The following SEC23A variants were observed in gnomAD, a reference collection of about 807,000 sequenced individuals.
The protein encoded by SEC23A is protein transport protein Sec23A.
A neutral mutation model predicts 103.7 loss-of-function variants in SEC23A; 56 were observed. That is an observed-to-expected ratio of 0.54 (90% CI 0.44 to 0.67). The LOEUF is 0.67. Ranked by LOEUF, SEC23A falls within the 30% of genes least tolerant of loss-of-function variation. SEC23A has a pLI of 0.00. For missense variants in SEC23A, 784 were observed against 936.4 expected, an observed-to-expected ratio of 0.84 and a Z score of 2.12; for synonymous variants, 281 against 293.0, an observed-to-expected ratio of 0.96 and a Z score of 0.42.
chr14:39,095,298 CT>C lies in SEC23A; in HGVS notation c.221+599del, dbSNP rs111385262. Among the ~76,000 whole-genome samples, 766 of 143,562 alleles carry C rather than the reference CT, an allele frequency of 5.3e-3. 4 individuals are homozygous for C. The highest frequency in any genetic ancestry group is 0.013 in the African/African-American group (509 of 39,546). The allele number at this position is 143,562 out of a possible 152,430, so 94.2% of individuals were successfully genotyped here. A position where few individuals can be genotyped will look rare whatever the true frequency, so the allele number is the denominator to read the frequency against. ...GGAACATCATGTCACTCAATCACAA[CT>C]TTTTTTTTTTTTTTGAGGCGGAGTC... On this transcript the variant is annotated intron_variant, in intron 2 of 19. Coordinates refer to ENST00000307712, the MANE Select transcript of SEC23A (RefSeq NM_006364.4).
intron 7 of SEC23A, 85 bp downstream of exon 7, chr14:39,085,677 T>C: frequency 6.8e-7 from 1 of 1,475,076 alleles, no homozygotes; most frequent in Non-Finnish European, 9.3e-7. Flanking sequence ...TTCTTATCCT[T>C]ATAATTATAT....
chr14:39,103,015 C>A lies in SEC23A; in HGVS notation c.-22+17G>T. On this transcript the variant is annotated intron_variant, in intron 1 of 19. Coordinates refer to ENST00000307712, the MANE Select transcript of SEC23A (RefSeq NM_006364.4). ...CAGCCCGCCGCCGCCAGCCCGCCCC[C>A]GCTCCCCGCTGCGCACCTGCGGTCC... The A allele has an allele frequency of 1.3e-5, 2 of 153,534 alleles. No individual in the cohort carries two copies. Among genetic ancestry groups the A allele is most frequent in the South Asian group, 3.7e-4 (2 of 5,380 alleles). 9.5% of individuals were successfully genotyped at this position (153,534 alleles called of 1,614,324 possible). A position where few individuals can be genotyped will look rare whatever the true frequency, so the allele number is the denominator to read the frequency against.
chr14:39,035,954 G>A (rs1028433725), intron 19 of SEC23A, among the ~76,000 whole-genome samples: 1 of 151,960 alleles, frequency 6.6e-6, no homozygotes, highest in East Asian at 1.9e-4. Context: ...CCCCAATGTG[G>A]CAGTATAAAG....
Position 39,063,221 on chromosome 14 carries a change from A to T in SEC23A, c.1398+103T>A, listed in dbSNP as rs1458762662. 9.9e-6 allele frequency: 7 copies of T among 709,184 alleles called. No individual in the cohort carries two copies. In the Admixed American group the frequency reaches 1.5e-4, roughly 16 times the overall value. The allele number at this position is 709,184 out of a possible 1,614,324, so 43.9% of individuals were successfully genotyped here. A position where few individuals can be genotyped will look rare whatever the true frequency, so the allele number is the denominator to read the frequency against. On this transcript the variant is annotated intron_variant, in intron 12 of 19. Transcript: ENST00000307712. Reference sequence around the variant, plus strand: ...CAATACAGAAAATAAATGTTGGGTTATATCTACTATAGGAAAAAAAATATG... The same window carrying T: ...CAATACAGAAAATAAATGTTGGGTTTTATCTACTATAGGAAAAAAAATATG...
chr14:39,057,553 G>T (rs1168367782), intron 13 of SEC23A, among the ~76,000 whole-genome samples: 1 of 152,084 alleles, frequency 6.6e-6, no homozygotes. Context: ...TGTTTCAGAG[G>T]TGAGGGTCTC....
intron 9 of SEC23A, among the ~76,000 whole-genome samples, chr14:39,070,777 A>T (rs1886815964): frequency 6.6e-6 from 1 of 152,230 alleles, no homozygotes; most frequent in East Asian, 1.9e-4. Context: ...CTATAATCCC[A>T]GCACTTTGGG....
chr14:39,081,326 A>C (rs1887218485), intron 7 of SEC23A, among the ~76,000 whole-genome samples: 1 of 152,202 alleles, frequency 6.6e-6, no homozygotes, highest in African/African-American at 2.4e-5. Flanking sequence ...GCTATTCTTC[A>C]ACTATCAGAA....
chr14:39,052,726 G>A (rs1347049362), intron 14 of SEC23A, among the ~76,000 whole-genome samples: 1 of 152,160 alleles, frequency 6.6e-6, no homozygotes, highest in Non-Finnish European at 1.5e-5. Context: ...AAAAAACTAA[G>A]GAAGCAAGCT....
At chr14:39,084,537 A>AT (rs547887268) in intron 7 of SEC23A, among the ~76,000 whole-genome samples, 1 of 151,996 alleles carries the variant, frequency 6.6e-6, no homozygotes, top group Non-Finnish European at 1.5e-5. Context: ...CTATAACCTG[A>AT]TTTTTTTTCA....
chr14:39,075,928 A>C lies in SEC23A; in HGVS notation c.987+7T>G. The C allele has an allele frequency of 6.2e-7, 1 of 1,613,438 alleles. No homozygotes were observed. On this transcript the variant is annotated splice_region_variant and intron_variant, in intron 8 of 19. Transcript: ENST00000307712. ...ATAAGGCAAAAATATTTAACAGTCA[A>C]AATTACCTTAGTTCCCTTTTTAACA...
intron 11 of SEC23A, 36 bp downstream of exon 11, chr14:39,064,877 G>C (rs746579635): frequency 7.0e-7 from 1 of 1,423,976 alleles, no homozygotes; most frequent in South Asian, 1.1e-5. Context: ...ACAGTTCCTG[G>C]TCCTGTATTT....
intron 7 of SEC23A, among the ~76,000 whole-genome samples, chr14:39,076,360 T>C (rs1263310403): frequency 2.0e-5 from 3 of 151,920 alleles, no homozygotes; most frequent in East Asian, 1.9e-4. Flanking sequence ...GCTTAACTCA[T>C]CTCAGACAGG....
intron 1 of SEC23A, among the ~76,000 whole-genome samples, chr14:39,098,505 G>C (rs1030157562): frequency 2.0e-5 from 3 of 152,190 alleles, no homozygotes; most frequent in African/African-American, 7.2e-5. Flanking sequence ...GCCAGGCACA[G>C]TGGCTCACGC....
chr14:39,068,101 A>G (rs1328102605), intron 9 of SEC23A, among the ~76,000 whole-genome samples: 1 of 152,140 alleles, frequency 6.6e-6, no homozygotes, highest in African/African-American at 2.4e-5. Context: ...TTTTGCACTT[A>G]TTTTTAATTT....
chr14:39,092,551 T>C lies in SEC23A; in HGVS notation c.356A>G (p.Tyr119Cys). The change falls in exon 4 of 20, where the codon TAT (tyrosine) becomes TGT (cysteine). Residue 119 changes from tyrosine to cysteine, a missense_variant. Tyr to Cys is a radical substitution (Grantham distance 194). Around this residue, in one of 2 missense-constraint regions of SEC23A, gnomAD observed 683 missense variants for 774.2 expected, o/e 0.88. Transcript: ENST00000307712. ...TTCTTAGGTTCTTACCAGAACTACATATTCAATGCTAGAAAACTGAGGTAA... is the reference window on the plus strand; with the variant it reads ...TTCTTAGGTTCTTACCAGAACTACACATTCAATGCTAGAAAACTGAGGTAA... ...ELLPQFSSIE[Y>C]VVLRGPQMPL... is the part of the protein sequence containing the mutation. 1 of 1,596,246 alleles carries C rather than the reference T, an allele frequency of 6.3e-7. No homozygotes were observed.
chr14:39,096,272 G>A (rs552574762), intron 1 of SEC23A, 133 bp from the exon 2 acceptor site: 39 of 650,560 alleles, frequency 6.0e-5, no homozygotes, highest in East Asian at 5.3e-4. Context: ...GGCTCACGCC[G>A]GTAATCCCAG....
chr14:39,093,102 C>T lies in SEC23A; in HGVS notation c.279+85G>A, dbSNP rs536370099. Reference sequence around the variant, plus strand: ...CAGGATGGTCTCAATCTCCTGACCTCGTGATCCACCCGCCTCGGCCTCCCA... The same window carrying T: ...CAGGATGGTCTCAATCTCCTGACCTTGTGATCCACCCGCCTCGGCCTCCCA... On this transcript the variant is annotated intron_variant, in intron 3 of 19. Transcript: ENST00000307712. The T allele has an allele frequency of 4.1e-4, 429 of 1,057,668 alleles. 3 individuals carry two copies. In the African/African-American group the frequency reaches 6.1e-3, roughly 15 times the overall value. The allele number at this position is 1,057,668 out of a possible 1,614,324, so 65.5% of individuals were successfully genotyped here. A position where few individuals can be genotyped will look rare whatever the true frequency, so the allele number is the denominator to read the frequency against.
chr14:39,057,007 G>T (rs1886272611), intron 13 of SEC23A, among the ~76,000 whole-genome samples: 1 of 151,982 alleles, frequency 6.6e-6, no homozygotes, highest in African/African-American at 2.4e-5. Flanking sequence ...AGTTCAGCCT[G>T]GGAAACAGCA....
intron 7 of SEC23A, among the ~76,000 whole-genome samples, chr14:39,081,207 A>G (rs1402579184): frequency 7.1e-6 from 1 of 141,110 alleles, no homozygotes; most frequent in African/African-American, 2.7e-5. Flanking sequence ...GGCTCTGTTT[A>G]AAAAAAAAAA....
Sources: allele counts gnomAD v4.1 joint callset (sites outside exome capture counted in the v4.1 genomes callset), GRCh38; gene constraint gnomAD v4.1.1; regional missense constraint gnomAD v4.1.1; transcripts MANE v1.5; gene names NCBI Gene and HGNC (gene_info 2026-07-23, HGNC 2026-07-21).